The following FNDC3B variants were observed in gnomAD, a reference collection of about 807,000 sequenced individuals.
FNDC3B encodes fibronectin type III domain-containing protein 3B.
A neutral mutation model predicts 151.5 loss-of-function variants in FNDC3B; 12 were observed. The ratio of observed to expected loss-of-function variants is 0.08; its 90% CI spans 0.05 to 0.13. FNDC3B has a LOEUF of 0.13. Ranked by LOEUF, FNDC3B falls within the 10% of genes least tolerant of loss-of-function variation. The probability of loss-of-function intolerance (pLI) is 1.00; values close to 1 mark genes in which losing one functional copy is unlikely to be tolerated. For synonymous variants in FNDC3B, 528 were observed against 549.0 expected (o/e 0.96, Z 0.54); for missense variants, 1,214 against 1,505.3 (o/e 0.81, Z 3.20).
rs1311354977 is a variant in FNDC3B at position 172,285,898 on chromosome 3, T to C, written c.791-28T>C. On this transcript the variant is annotated intron_variant, in intron 6 of 25. Transcript: ENST00000415807. ...CCTTACTGCCTTCTAATGGTATTGT[T>C]TTTCCTTTTTTCTTTTTCGCAATGC... 2.5e-6 allele frequency: 4 copies of C among 1,595,340 alleles called. No individual in the cohort carries two copies. The South Asian group carries it at 4.4e-5, about 18-fold the overall frequency.
intron 11 of FNDC3B, among the ~76,000 whole-genome samples, chr3:172,314,654 G>T (rs1211370556): frequency 6.6e-6 from 1 of 152,132 alleles, no homozygotes; most frequent in East Asian, 1.9e-4. Flanking sequence ...AAGAAGACAG[G>T]GCATCAAGCC....
At chr3:172,112,094 G>T (rs1392364134) in intron 1 of FNDC3B, among the ~76,000 whole-genome samples, 2 of 152,198 alleles carry the variant, frequency 1.3e-5, no homozygotes, top group Non-Finnish European at 2.9e-5. Context: ...ATGAAAGTAG[G>T]CTTTGTGTTA....
chr3:172,146,457 C>CAGGGGAATTGTCAGATTGT (rs977510486), intron 3 of FNDC3B, among the ~76,000 whole-genome samples: 1 of 151,956 alleles, frequency 6.6e-6, no homozygotes, highest in Admixed American at 6.6e-5. Flanking sequence ...TGTCTGAGCC[C>CAGGGGAATTGTCAGATTGT]AGGGGAATTG....
At chr3:172,257,284 C>T (rs1444792316) in intron 6 of FNDC3B, among the ~76,000 whole-genome samples, 1 of 152,156 alleles carries the variant, frequency 6.6e-6, no homozygotes, top group Non-Finnish European at 1.5e-5. Flanking sequence ...GTTCCTGGGG[C>T]TTACCCTAAG....
intron 6 of FNDC3B, among the ~76,000 whole-genome samples, chr3:172,269,195 T>C (rs1049679848): frequency 6.6e-6 from 1 of 152,238 alleles, no homozygotes; most frequent in Admixed American, 6.5e-5. Flanking sequence ...CAAAGAAATG[T>C]GCATATTGTG....
chr3:172,318,076 C>G (rs1182029197), intron 11 of FNDC3B, among the ~76,000 whole-genome samples: 1 of 152,186 alleles, frequency 6.6e-6, no homozygotes, highest in African/African-American at 2.4e-5. Flanking sequence ...TCCCAAAAAC[C>G]TTCCTTACTC....
intron 3 of FNDC3B, among the ~76,000 whole-genome samples, chr3:172,149,068 T>C (rs922205710): frequency 6.6e-5 from 10 of 152,210 alleles, no homozygotes; most frequent in African/African-American, 1.9e-4. Flanking sequence ...ACATAGGAAA[T>C]GGCTCAACAG....
At position 172,337,345 on chromosome 3, in the gene FNDC3B, A is replaced by G. The variant is rs1447203703; in HGVS notation, c.1796A>G (p.Asn599Ser). The stretch of plus-strand genomic sequence containing the variant: ...TATTTTCCAGATCCCCCTAAGGACA[A>G]TGGTGGTTCAGAAATCCTCAAGTAC... ...FSVKWDPPKD[N>S]GGSEILKYLL... Residue 599 changes from asparagine (N) to serine (S), a missense_variant, in exon 16 of 26, where the codon AAT (asparagine) becomes AGT (serine). Asn to Ser is a conservative substitution (Grantham distance 46, BLOSUM62 1). Transcript: ENST00000415807. 5 of 1,610,580 alleles carry G rather than the reference A, an allele frequency of 3.1e-6. No individual in the cohort carries two copies. The highest frequency in any genetic ancestry group is 2.7e-5 in the African/African-American group (2 of 74,840).
chr3:172,093,025 C>T (rs1302765596), intron 1 of FNDC3B, among the ~76,000 whole-genome samples: 2 of 152,028 alleles, frequency 1.3e-5, no homozygotes, highest in Non-Finnish European at 2.9e-5. Flanking sequence ...TCTATGTTGT[C>T]CAGGCTGGTC....
intron 3 of FNDC3B, among the ~76,000 whole-genome samples, chr3:172,155,274 T>C (rs1219783962): frequency 6.6e-6 from 1 of 152,212 alleles, no homozygotes; most frequent in East Asian, 1.9e-4. Flanking sequence ...GGATTCTTCT[T>C]TGGAGATAGG....
intron 6 of FNDC3B, among the ~76,000 whole-genome samples, chr3:172,278,754 C>G (rs972766362): frequency 1.3e-5 from 2 of 152,032 alleles, no homozygotes; most frequent in African/African-American, 4.8e-5. Context: ...TGGTGAAACC[C>G]CGTCTCTACT....
intron 3 of FNDC3B, among the ~76,000 whole-genome samples, chr3:172,186,334 A>C (rs1560007745): frequency 1.3e-5 from 2 of 152,204 alleles, no homozygotes; most frequent in Admixed American, 6.5e-5. Context: ...ATAAGAAAAG[A>C]ACTCCCAATT....
rs1326545452 is a variant in FNDC3B, at chr3:172,281,817, A to T, written c.791-4109A>T. Reference sequence around the variant, plus strand: ...GCTACCCTAAAGGCAAATCAGCAGAATTTTTTTGTTTTGTTTGCTTATTTT... The same window carrying T: ...GCTACCCTAAAGGCAAATCAGCAGATTTTTTTTGTTTTGTTTGCTTATTTT... On this transcript the variant is annotated intron_variant, in intron 6 of 25. Transcript: ENST00000415807. Among the ~76,000 whole-genome samples the T allele has an allele frequency of 3.9e-5, 6 of 152,024 alleles. No homozygotes were observed. In the South Asian group the frequency reaches 8.3e-4, roughly 21 times the overall value.
At chr3:172,229,239 G>A (rs1726763670) in intron 4 of FNDC3B, among the ~76,000 whole-genome samples, 1 of 152,022 alleles carries the variant, frequency 6.6e-6, no homozygotes, top group Admixed American at 6.6e-5. Flanking sequence ...TCTTCCTAAA[G>A]TAGACATTAC....
intron 2 of FNDC3B, among the ~76,000 whole-genome samples, chr3:172,125,716 C>T (rs1399861276): frequency 6.6e-6 from 1 of 152,128 alleles, no homozygotes; most frequent in Non-Finnish European, 1.5e-5. Context: ...CAAAGTGTAT[C>T]CTTCAAAAGG....
intron 3 of FNDC3B, among the ~76,000 whole-genome samples, chr3:172,203,957 G>A (rs764303522): frequency 2.0e-5 from 3 of 152,182 alleles, no homozygotes; most frequent in Non-Finnish European, 4.4e-5. Flanking sequence ...TGTTTAGAAG[G>A]CTTGTCCCAA....
chr3:172,169,305 G>A (rs140604839), intron 3 of FNDC3B, among the ~76,000 whole-genome samples: 232 of 152,334 alleles, frequency 1.5e-3, no homozygotes, highest in African/African-American at 5.3e-3. Flanking sequence ...GCGGCGCTCC[G>A]GAATGTGCTG....
At chr3:172,299,399 A>G (rs1730789141) in intron 9 of FNDC3B, among the ~76,000 whole-genome samples, 2 of 152,234 alleles carry the variant, frequency 1.3e-5, no homozygotes, top group Admixed American at 1.3e-4. Context: ...GAAGAAACCC[A>G]GCCAACCACA....
At chr3:172,252,427 A>G (rs1728133611) in intron 6 of FNDC3B, among the ~76,000 whole-genome samples, 2 of 151,772 alleles carry the variant, frequency 1.3e-5, no homozygotes, top group South Asian at 4.2e-4. Context: ...ATTCTCACAG[A>G]CACAGTCCCA....
Sources: gnomAD v4.1 joint callset for allele counts (sites outside exome capture counted in the v4.1 genomes callset) on GRCh38, gnomAD v4.1.1 for gene constraint, MANE v1.5 for transcripts, NCBI Gene and HGNC (gene_info 2026-07-23, HGNC 2026-07-21) for gene names.